The following CLNK variants were observed in gnomAD, a reference collection of about 807,000 sequenced individuals.
CLNK encodes cytokine dependent hematopoietic cell linker.
CLNK carries 74 observed loss-of-function variants against 68.6 expected under a neutral mutation model. The observed-to-expected ratio is 1.08, with a 90% confidence interval of 0.89 to 1.31. CLNK has a LOEUF of 1.31. Ranked by LOEUF, CLNK falls within the 50% of genes most tolerant of loss-of-function variation. The pLI is 0.00. For synonymous variants in CLNK, 198 were observed against 172.2 expected (o/e 1.15, Z -1.17); for missense variants, 553 against 515.3 (o/e 1.07, Z -0.71).
chr4:10,579,820 G>A (rs1432482466), intron 4 of CLNK, among the ~76,000 whole-genome samples: 2 of 152,078 alleles, frequency 1.3e-5, no homozygotes, highest in South Asian at 4.1e-4. Context: ...GAACACCATG[G>A]TGCCTTGCAT....
At chr4:10,544,839 C>T (rs939439018) in intron 8 of CLNK, among the ~76,000 whole-genome samples, 5 of 152,074 alleles carry the variant, frequency 3.3e-5, no homozygotes, top group Admixed American at 2.6e-4. Flanking sequence ...TGTACTAAGA[C>T]GGTGCAGGAC....
At chr4:10,491,945 G>A (rs906109259) in intron 18 of CLNK, among the ~76,000 whole-genome samples, 1 of 152,102 alleles carries the variant, frequency 6.6e-6, no homozygotes, top group East Asian at 1.9e-4. Flanking sequence ...CTCCCTCTCT[G>A]AGCCTTCAAT....
intron 1 of CLNK, among the ~76,000 whole-genome samples, chr4:10,670,002 C>T (rs892969649): frequency 3.3e-5 from 5 of 152,208 alleles, no homozygotes; most frequent in African/African-American, 9.6e-5. Flanking sequence ...GACCTCTGTT[C>T]AGTTCCAGTG....
intron 2 of CLNK, among the ~76,000 whole-genome samples, chr4:10,652,395 A>C (rs1160131646): frequency 6.6e-6 from 1 of 150,812 alleles, no homozygotes. Flanking sequence ...AAAAAAAAAA[A>C]AAAAAAAAGG....
At chr4:10,674,428 G>A (rs1302744535) in intron 1 of CLNK, among the ~76,000 whole-genome samples, 1 of 152,182 alleles carries the variant, frequency 6.6e-6, no homozygotes, top group Non-Finnish European at 1.5e-5. Flanking sequence ...AGGGCTTAAA[G>A]CCTAGGCAAA....
chr4:10,635,306 C>T (rs1216027276), intron 2 of CLNK, among the ~76,000 whole-genome samples: 15 of 152,168 alleles, frequency 9.9e-5, no homozygotes, highest in Admixed American at 5.9e-4. Context: ...TGTTCTGCCT[C>T]TCCTGACAGT....
intron 8 of CLNK, among the ~76,000 whole-genome samples, chr4:10,544,176 A>C (rs2108810584): frequency 6.6e-6 from 1 of 152,330 alleles, no homozygotes; most frequent in East Asian, 1.9e-4. Flanking sequence ...TCACTGGAAA[A>C]AGAATTCAAT....
At chr4:10,542,490 A>G (rs926964311) in intron 8 of CLNK, among the ~76,000 whole-genome samples, 3 of 152,120 alleles carry the variant, frequency 2.0e-5, no homozygotes, top group African/African-American at 4.8e-5. Flanking sequence ...TCGGTTAATG[A>G]AGAAACTGAC....
At chr4:10,728,846 G>T in the CLNK span, among the ~76,000 whole-genome samples, 3 of 151,842 alleles carry the variant, frequency 2.0e-5, no homozygotes, top group Non-Finnish European at 4.4e-5. Flanking sequence ...TGATCTGCCC[G>T]CCTTGGCCTC....
upstream of CLNK, chr4:10,685,205 C>T (rs578145270): frequency 2.6e-5 from 4 of 152,168 alleles, no homozygotes; most frequent in Non-Finnish European, 5.9e-5. Context: ...GGAGAAATGC[C>T]TGCCTCTTAT....
chr4:10,496,519 A>G (rs976034011), intron 18 of CLNK, among the ~76,000 whole-genome samples: 15 of 152,228 alleles, frequency 9.9e-5, no homozygotes, highest in African/African-American at 3.6e-4. Flanking sequence ...GTGAATTGTC[A>G]TTTTTTACCC....
intron 3 of CLNK, 103 bp from the exon 4 acceptor site, chr4:10,585,058 G>A (rs1720921947): frequency 1.7e-6 from 2 of 1,160,642 alleles, no homozygotes; most frequent in Non-Finnish European, 2.5e-6. Flanking sequence ...GTACAAGTCA[G>A]CCTCTGAAGC....
At chr4:10,535,011 A>G (rs564381427) in intron 11 of CLNK, among the ~76,000 whole-genome samples, 2 of 152,182 alleles carry the variant, frequency 1.3e-5, no homozygotes, top group South Asian at 4.1e-4. Flanking sequence ...CATTTTTGCG[A>G]CAGAGATTGT....
At chr4:10,637,583 C>CTTTTTTTTTTT (rs1158317670) in intron 2 of CLNK, among the ~76,000 whole-genome samples, 1 of 71,416 alleles carries the variant, frequency 1.4e-5, no homozygotes, top group Non-Finnish European at 2.4e-5. Flanking sequence ...CACCATTCCT[C>CTTTTTTTTTTT]TTTTTTTTTT....
chr4:10,704,272 T>C, the CLNK span, among the ~76,000 whole-genome samples: 1 of 152,166 alleles, frequency 6.6e-6, no homozygotes, highest in Non-Finnish European at 1.5e-5. Flanking sequence ...TTCTGTAAAA[T>C]GCCATTTCGG....
Position 10,525,927 on chromosome 4 carries a change from A to T in CLNK, c.650-5T>A, listed in dbSNP as rs558146385. ...GCTTCCTCTGGTTATGAGGAACTAT[A>T]TAAAACAGTGACATAATTTGGTCAG... On this transcript the variant is annotated splice_polypyrimidine_tract_variant and splice_region_variant and intron_variant, in intron 13 of 18. Transcript: ENST00000226951. 1 of 1,540,306 alleles carries T rather than the reference A, an allele frequency of 6.5e-7. No individual in the cohort carries two copies. The highest frequency in any genetic ancestry group is 1.9e-5 in the Admixed American group (1 of 51,578).
At chr4:10,729,334 G>A in the CLNK span, among the ~76,000 whole-genome samples, 2 of 152,206 alleles carry the variant, frequency 1.3e-5, no homozygotes, top group Non-Finnish European at 2.9e-5. Context: ...AATTAGTACA[G>A]CCTCTATGGA....
In CLNK at chr4:10,615,951, T is replaced by C. The variant is rs182703674; in HGVS notation, c.12-17902A>G. Among the ~76,000 whole-genome samples, 277 of 152,362 alleles carry C rather than the reference T, an allele frequency of 1.8e-3. 1 individual carries two copies. Among genetic ancestry groups the C allele is most frequent in the African/African-American group, 6.4e-3 (266 of 41,602 alleles). On this transcript the variant is annotated intron_variant, in intron 2 of 18. Coordinates refer to ENST00000226951, the MANE Select transcript of CLNK (RefSeq NM_052964.4). Reference sequence around the variant, plus strand: ...TCAGTGGTGTGCTGAAGCTGGCTTATGCTCCCCAGCAGAGCTGCTTTCTGT... The same window carrying C: ...TCAGTGGTGTGCTGAAGCTGGCTTACGCTCCCCAGCAGAGCTGCTTTCTGT...
Position 10,574,197 on chromosome 4 carries a change from C to T in CLNK, c.113-2419G>A, listed in dbSNP as rs547231740. 2.0e-5 allele frequency among the ~76,000 whole-genome samples: 3 copies of T among 152,306 alleles called. No homozygotes were observed. The South Asian group carries it at 6.2e-4, about 32-fold the overall frequency. On this transcript the variant is annotated intron_variant, in intron 4 of 18. Transcript: ENST00000226951. Reference sequence around the variant, plus strand: ...TCACTCATGGCCCATGTCATACAGACTAGGTGCCCTGTGTGGCCCCCAGAG... The same window carrying T: ...TCACTCATGGCCCATGTCATACAGATTAGGTGCCCTGTGTGGCCCCCAGAG...
Sources: allele counts gnomAD v4.1 joint callset (sites outside exome capture counted in the v4.1 genomes callset), GRCh38; gene constraint gnomAD v4.1.1; transcripts MANE v1.5; gene names NCBI Gene and HGNC (gene_info 2026-07-23, HGNC 2026-07-21).